ADNP2: variants seen among roughly 807,000 people sequenced by gnomAD.
ADNP2 encodes the protein ADNP homeobox 2.
Under a neutral mutation model 16.4 loss-of-function variants are expected in ADNP2, and 8 were observed. The ratio of observed to expected loss-of-function variants is 0.49; its 90% confidence interval spans 0.29 to 0.88. ADNP2 has a LOEUF of 0.88. Ranked by LOEUF, ADNP2 falls within the 40% of genes least tolerant of loss-of-function variation. The probability of loss-of-function intolerance (pLI) is 0.09; values close to 1 mark genes in which losing one functional copy is unlikely to be tolerated. For missense variants in ADNP2, 1,397 were observed against 1,395.1 expected, an observed-to-expected ratio of 1.00 and a Z score of -0.02; for synonymous variants, 637 against 545.8, an observed-to-expected ratio of 1.17 and a Z score of -2.33.
At chr18:80,126,903 A>G (rs1051816250) in intron 2 of ADNP2, among the ~76,000 whole-genome samples, 5 of 152,236 alleles carry the variant, frequency 3.3e-5, no homozygotes, top group Admixed American at 3.3e-4. Flanking sequence ...GGAAAATTCC[A>G]GAAATAAACA....
At chr18:80,111,196 G>A (rs925046240) in intron 1 of ADNP2, among the ~76,000 whole-genome samples, 32 of 152,258 alleles carry the variant, frequency 2.1e-4, no homozygotes, top group African/African-American at 6.7e-4. Context: ...AGTATTCTGT[G>A]TTTTTAAAGT....
chr18:80,114,192 C>CAAAAA (rs138431229), intron 1 of ADNP2, among the ~76,000 whole-genome samples: 3 of 110,288 alleles, frequency 2.7e-5, no homozygotes, highest in Non-Finnish European at 3.7e-5. Context: ...GACCCTGTCT[C>CAAAAA]AAAAAAAAAA....
intron 2 of ADNP2, among the ~76,000 whole-genome samples, chr18:80,129,955 A>G (rs751649638): frequency 3.0e-4 from 45 of 152,346 alleles, no homozygotes; most frequent in Middle Eastern, 6.8e-3. Flanking sequence ...TCTCTGAAAT[A>G]TAGTGCCTCT....
At chr18:80,124,312 C>T (rs1328533083) in intron 2 of ADNP2, among the ~76,000 whole-genome samples, 1 of 152,114 alleles carries the variant, frequency 6.6e-6, no homozygotes, top group Admixed American at 6.5e-5. Context: ...CAGCTCTAGC[C>T]CCAGGTTGTT....
At chr18:80,118,703 G>A (rs2052404770) in intron 2 of ADNP2, among the ~76,000 whole-genome samples, 1 of 152,130 alleles carries the variant, frequency 6.6e-6, no homozygotes, top group Non-Finnish European at 1.5e-5. Context: ...GACTTGACTG[G>A]AACTGAACAT....
chr18:80,122,821 C>A (rs1219593434), intron 2 of ADNP2, among the ~76,000 whole-genome samples: 3 of 152,108 alleles, frequency 2.0e-5, no homozygotes, highest in Admixed American at 6.5e-5. Flanking sequence ...CCTCATTGTT[C>A]TGTTTAGAAC....
intron 2 of ADNP2, among the ~76,000 whole-genome samples, chr18:80,132,554 T>A (rs1299316408): frequency 2.6e-5 from 4 of 152,146 alleles, no homozygotes; most frequent in African/African-American, 9.7e-5. Context: ...AGGTACCAAG[T>A]AATGTCATCA....
At chr18:80,130,573 A>G (rs2052489479) in intron 2 of ADNP2, among the ~76,000 whole-genome samples, 1 of 152,204 alleles carries the variant, frequency 6.6e-6, no homozygotes, top group Non-Finnish European at 1.5e-5. Context: ...AATTTTAGAA[A>G]TGGAAAATGT....
At chr18:80,122,077 G>C (rs1043221147) in intron 2 of ADNP2, among the ~76,000 whole-genome samples, 1 of 152,076 alleles carries the variant, frequency 6.6e-6, no homozygotes, top group African/African-American at 2.4e-5. Flanking sequence ...CTACCACCAT[G>C]TCTGGCTAAT....
intron 2 of ADNP2, among the ~76,000 whole-genome samples, chr18:80,126,778 A>G (rs141475787): frequency 6.6e-6 from 1 of 152,096 alleles, no homozygotes; most frequent in Non-Finnish European, 1.5e-5. Flanking sequence ...CATTTCTTCA[A>G]CTAGTTTTTC....
chr18:80,135,967 C>T lies in ADNP2; in HGVS notation c.554C>T (p.Ser185Phe). The T allele has an allele frequency of 1.2e-6, 2 of 1,614,184 alleles. No individual in the cohort carries two copies. Among genetic ancestry groups the T allele is most frequent in the East Asian group, 2.2e-5 (1 of 44,886 alleles). ...LVAHFHYLIN[S>F]YFGLRTEEMG... ...GCCCATTTTCACTACTTAATTAACT[C>T]CTACTTTGGCCTAAGAACTGAGGAA... Residue 185 changes from serine to phenylalanine, a missense_variant, in exon 4 of 4, where the codon TCC becomes TTC. By Grantham distance (155) the Ser-to-Phe change is radical. Coordinates refer to ENST00000262198, the MANE Select transcript of ADNP2 (RefSeq NM_014913.4).
intron 2 of ADNP2, among the ~76,000 whole-genome samples, chr18:80,124,602 T>C (rs1189522352): frequency 1.3e-5 from 2 of 152,068 alleles, no homozygotes; most frequent in Non-Finnish European, 2.9e-5. Flanking sequence ...AACCCAATCC[T>C]GTTGGGTTTT....
rs1291659036 is a variant in ADNP2 at position 80,137,295 on chromosome 18, C to T, written c.1882C>T (p.Pro628Ser). 6.2e-7 allele frequency: 1 copy of T among 1,613,900 alleles called. No individual in the cohort carries two copies. The highest frequency in any genetic ancestry group is 1.3e-5 in the African/African-American group (1 of 74,930). Residue 628 changes from proline to serine, a missense_variant, in exon 4 of 4, where the codon CCT becomes TCT. By Grantham distance (74) the Pro-to-Ser change is moderately conservative. Transcript: ENST00000262198. The surrounding 1 kb of genome is among the most constrained non-coding windows in gnomAD (Gnocchi z 4.2). ...CGTGTCTGTCACTCTGCCGGTTCCCCCTGGAGGCCTTGCGACTGTCGCTCC... is the reference window on the plus strand; with the variant it reads ...CGTGTCTGTCACTCTGCCGGTTCCCTCTGGAGGCCTTGCGACTGTCGCTCC... ...APVSVTLPVP[P>S]GGLATVAPPQ... is the part of the protein sequence containing the mutation.
intron 3 of ADNP2, among the ~76,000 whole-genome samples, chr18:80,133,975 G>T (rs1295195869): frequency 2.0e-5 from 3 of 152,038 alleles, no homozygotes; most frequent in Admixed American, 2.0e-4. Context: ...TGAGACTACA[G>T]GTGCATGCCA....
chr18:80,119,409 G>A (rs1599807417), intron 2 of ADNP2, among the ~76,000 whole-genome samples: 4 of 93,546 alleles, frequency 4.3e-5, no homozygotes, highest in South Asian at 4.4e-4. Flanking sequence ...GACAGACTCC[G>A]TCTCAAAAAA....
At chr18:80,130,452 A>G (rs2052488699) in intron 2 of ADNP2, among the ~76,000 whole-genome samples, 2 of 152,202 alleles carry the variant, frequency 1.3e-5, no homozygotes, top group South Asian at 2.1e-4. Flanking sequence ...TTGTATGACT[A>G]CACTTTCTAC....
intron 1 of ADNP2, among the ~76,000 whole-genome samples, chr18:80,110,742 C>T (rs2052352152): frequency 6.6e-6 from 1 of 152,168 alleles, no homozygotes; most frequent in South Asian, 2.1e-4. Context: ...GGAGTTAGGA[C>T]TTCACTGCGA....
At chr18:80,112,609 G>A in intron 1 of ADNP2, among the ~76,000 whole-genome samples, 1 of 152,172 alleles carries the variant, frequency 6.6e-6, no homozygotes. Flanking sequence ...AAATAAAAAA[G>A]TGACAACTCC....
rs1279950041 is a variant in ADNP2, at chr18:80,121,053, C to T, written c.108+3403C>T. On this transcript the variant is annotated intron_variant, in intron 2 of 3. Coordinates refer to ENST00000262198, the MANE Select transcript of ADNP2 (RefSeq NM_014913.4). ...TTCTGTTTACTTTTTCAAAGAACTG[C>T]CAAACTTTTCACAGTGAAAGTGCAC... Among the ~76,000 whole-genome samples, 3 of 152,210 alleles carry T rather than the reference C, an allele frequency of 2.0e-5. No homozygotes were observed. The East Asian group carries it at 5.8e-4, about 29-fold the overall frequency.
Sources: gnomAD v4.1 joint callset for allele counts (sites outside exome capture counted in the v4.1 genomes callset) on GRCh38, gnomAD v4.1.1 for gene constraint, Gnocchi (gnomAD v3.1) non-coding constraint, MANE v1.5 for transcripts, NCBI Gene and HGNC (gene_info 2026-07-23, HGNC 2026-07-21) for gene names.